The following PLCL1 variants were observed in gnomAD, a reference collection of about 807,000 sequenced individuals.
PLCL1 encodes phospholipase C like 1 (inactive).
PLCL1 carries 41 observed loss-of-function variants against 84.4 expected under a neutral mutation model. The ratio of observed to expected loss-of-function variants is 0.49; its 90% CI spans 0.38 to 0.63. The LOEUF (loss-of-function observed/expected upper bound fraction) is 0.63, where lower values mean the gene tolerates loss of function less well. Ranked by LOEUF, PLCL1 falls within the 30% of genes least tolerant of loss-of-function variation. The pLI, the probability that PLCL1 is intolerant of heterozygous loss-of-function variation, is 0.00. For synonymous variants in PLCL1, 490 were observed against 488.3 expected, an observed-to-expected ratio of 1.00 and a Z score of -0.05; for missense variants, 1,206 against 1,367.8, an observed-to-expected ratio of 0.88 and a Z score of 1.87.
chr2:198,131,236 T>A (rs898715647), intron 5 of PLCL1, among the ~76,000 whole-genome samples: 1 of 152,186 alleles, frequency 6.6e-6, no homozygotes, highest in African/African-American at 2.4e-5. Context: ...CATGGGGCAC[T>A]GTTATCTGTA....
chr2:197,939,332 A>C (rs964452198), intron 1 of PLCL1, among the ~76,000 whole-genome samples: 2 of 152,196 alleles, frequency 1.3e-5, no homozygotes, highest in Admixed American at 1.3e-4. Context: ...GCCCAGATCC[A>C]GGGTTGCCTC....
At chr2:198,028,309 A>ATT (rs57539509) in intron 1 of PLCL1, among the ~76,000 whole-genome samples, 9 of 151,654 alleles carry the variant, frequency 5.9e-5, no homozygotes, top group African/African-American at 1.5e-4. Context: ...TCTTATTAGG[A>ATT]TTTTTTTTTA....
chr2:198,099,720 G>C (rs1343194646), intron 3 of PLCL1, among the ~76,000 whole-genome samples: 1 of 152,102 alleles, frequency 6.6e-6, no homozygotes, highest in Admixed American at 6.6e-5. Context: ...TAGACAATGG[G>C]AAAAACAGAA....
At chr2:197,965,023 A>G (rs564379769) in intron 1 of PLCL1, among the ~76,000 whole-genome samples, 2 of 152,008 alleles carry the variant, frequency 1.3e-5, no homozygotes, top group South Asian at 2.1e-4. Context: ...GTTTTCTTTT[A>G]TTGATGTATC....
intron 5 of PLCL1, among the ~76,000 whole-genome samples, chr2:198,126,363 T>A (rs771924031): frequency 1.3e-5 from 2 of 152,218 alleles, no homozygotes; most frequent in Non-Finnish European, 2.9e-5. Flanking sequence ...AAAAAGCCCT[T>A]GTCTCCTTCT....
At chr2:198,125,426 G>T (rs1693961978) in intron 5 of PLCL1, among the ~76,000 whole-genome samples, 1 of 151,886 alleles carries the variant, frequency 6.6e-6, no homozygotes, top group Non-Finnish European at 1.5e-5. Context: ...AACAACATGT[G>T]GTTTACAGAT....
At position 197,912,962 on chromosome 2, in the gene PLCL1, T is replaced by A. The variant is rs4850814; in HGVS notation, c.240+107623T>A. Among the ~76,000 whole-genome samples, 29 of 147,576 alleles carry A rather than the reference T, an allele frequency of 2.0e-4. No homozygotes were observed. In the South Asian group the frequency reaches 2.1e-3, roughly 11 times the overall value. ...AACTTACAGTATAATAAAAAAAAATTAAAAAAAAAAAGAAAAATGAAAAGC... is the reference window on the plus strand; with the variant it reads ...AACTTACAGTATAATAAAAAAAAATAAAAAAAAAAAAGAAAAATGAAAAGC... On this transcript the variant is annotated intron_variant, in intron 1 of 5. Transcript: ENST00000428675.
chr2:197,915,418 G>C (rs1688576378), intron 1 of PLCL1, among the ~76,000 whole-genome samples: 1 of 151,658 alleles, frequency 6.6e-6, no homozygotes, highest in Admixed American at 6.6e-5. Flanking sequence ...TGTCAAGTGT[G>C]AAAGAGAGGA....
rs373512508 is a variant in PLCL1, at chr2:197,918,971, T to TCTCTCTCTCTCTCTCTCA, written c.240+113633_240+113634insTCTCTCTCTCTCTCTCAC. On this transcript the variant is annotated intron_variant, in intron 1 of 5. Transcript: ENST00000428675. ...CTCTCTCTCTCTCTCTCTCTCTCCCTCACACACACACATACACACACAAAG... is the reference window on the plus strand; with the variant it reads ...CTCTCTCTCTCTCTCTCTCTCTCCCTCTCTCTCTCTCTCTCTCACACACACACACATACACACACAAAG... Among the ~76,000 whole-genome samples the TCTCTCTCTCTCTCTCTCA allele has an allele frequency of 4.1e-3, 592 of 144,616 alleles. 12 individuals carry two copies. The highest frequency in any genetic ancestry group is 8.3e-3 in the Admixed American group (118 of 14,262). 94.9% of individuals were successfully genotyped at this position (144,616 alleles called of 152,430 possible).
At chr2:198,030,283 GTGTT>G (rs1574259240) in intron 1 of PLCL1, among the ~76,000 whole-genome samples, 1 of 152,164 alleles carries the variant, frequency 6.6e-6, no homozygotes, top group African/African-American at 2.4e-5. Context: ...TTCTGTTCCT[GTGTT>G]TGTTTGCTAA....
chr2:197,853,693 TC>T (rs1206443455), intron 1 of PLCL1, among the ~76,000 whole-genome samples: 1 of 152,136 alleles, frequency 6.6e-6, no homozygotes, highest in Non-Finnish European at 1.5e-5. Flanking sequence ...CCTGACTCCC[TC>T]CTATGCATCC....
At chr2:197,842,044 T>G (rs903365614) in intron 1 of PLCL1, among the ~76,000 whole-genome samples, 1 of 152,214 alleles carries the variant, frequency 6.6e-6, no homozygotes, top group Non-Finnish European at 1.5e-5. Flanking sequence ...AAATGAAGCC[T>G]TCAGTAAGTC....
rs1290504295 is a variant in PLCL1, at chr2:198,085,262, G to A, written c.1745G>A (p.Cys582Tyr). ...GGTGAGCAGAAGCAAATCCGACTCT[G>A]TAGGGAGCTCTCTGATTTGGTGTCT... ...YNGEQKQIRLCRELSDLVSIC... is the reference protein window; with the variant it reads ...YNGEQKQIRLYRELSDLVSIC... Residue 582 changes from cysteine (C) to tyrosine (Y), a missense_variant, in exon 2 of 6, where the codon TGT becomes TAT. Transcript: ENST00000428675. This position sits in a 1 kb window ranked among gnomAD's most constrained non-coding sequence, Gnocchi z 5.3. 6.2e-7 allele frequency: 1 copy of A among 1,614,064 alleles called. No homozygotes were observed. The highest frequency in any genetic ancestry group is 1.3e-5 in the African/African-American group (1 of 75,048).
chr2:198,085,458 G>A lies in PLCL1; in HGVS notation c.1941G>A (p.Met647Ile), dbSNP rs748079139. ...KFLSRIYPSA[M>I]RIDSSNLNPQ... is the part of the protein sequence containing the mutation. ...TATCAAGAATCTATCCAAGTGCCAT[G>A]AGGATCGATTCCAGTAACTTGAATC... The change falls in exon 2 of 6, where the codon ATG (methionine) becomes ATA (isoleucine). Residue 647 changes from methionine to isoleucine, a missense_variant. Coordinates refer to ENST00000428675, the MANE Select transcript of PLCL1 (RefSeq NM_006226.4). This position sits in a 1 kb window ranked among gnomAD's most constrained non-coding sequence, Gnocchi z 5.3. The A allele has an allele frequency of 4.3e-6, 7 of 1,613,922 alleles. No individual in the cohort carries two copies. In the South Asian group the frequency reaches 7.7e-5, roughly 18 times the overall value.
At chr2:197,809,746 A>T (rs933224986) in intron 1 of PLCL1, among the ~76,000 whole-genome samples, 1 of 152,008 alleles carries the variant, frequency 6.6e-6, no homozygotes, top group African/African-American at 2.4e-5. Context: ...TACCTGGGTC[A>T]TAGGAATATA....
At chr2:197,977,144 T>C (rs926961660) in intron 1 of PLCL1, among the ~76,000 whole-genome samples, 2 of 152,228 alleles carry the variant, frequency 1.3e-5, no homozygotes, top group African/African-American at 4.8e-5. Context: ...AAAAAGGACA[T>C]GAATCTTGAT....
intron 1 of PLCL1, among the ~76,000 whole-genome samples, chr2:197,880,405 G>C (rs2105714302): frequency 6.6e-6 from 1 of 152,222 alleles, no homozygotes; most frequent in East Asian, 1.9e-4. Flanking sequence ...TTTTTAGGCT[G>C]ACCAGAGGTG....
intron 1 of PLCL1, among the ~76,000 whole-genome samples, chr2:197,950,100 A>ACAATTT (rs1241444380): frequency 6.6e-6 from 1 of 152,168 alleles, no homozygotes; most frequent in Non-Finnish European, 1.5e-5. Context: ...GATAGCAAAG[A>ACAATTT]CAATTTCTCT....
chr2:198,000,909 G>A (rs1690585091), intron 1 of PLCL1, among the ~76,000 whole-genome samples: 1 of 152,068 alleles, frequency 6.6e-6, no homozygotes, highest in Non-Finnish European at 1.5e-5. Flanking sequence ...ATATGTGTAT[G>A]TATCCTGTTA....
Sources: gnomAD v4.1 joint callset for allele counts (sites outside exome capture counted in the v4.1 genomes callset) on GRCh38, gnomAD v4.1.1 for gene constraint, Gnocchi (gnomAD v3.1) non-coding constraint, MANE v1.5 for transcripts, NCBI Gene and HGNC (gene_info 2026-07-23, HGNC 2026-07-21) for gene names.